TSGA10: variants seen among roughly 807,000 people sequenced by gnomAD.
The protein encoded by TSGA10 is testis specific 10.
In TSGA10, 43 loss-of-function variants were observed where a neutral mutation model predicts 96.6. The observed-to-expected ratio is 0.44, with a 90% CI of 0.35 to 0.57. The LOEUF (loss-of-function observed/expected upper bound fraction) is 0.57. Ranked by LOEUF, TSGA10 falls within the 20% of genes least tolerant of loss-of-function variation. The pLI, the probability that TSGA10 is intolerant of heterozygous loss-of-function variation, is 0.01. For synonymous variants in TSGA10, 229 were observed against 269.9 expected, an observed-to-expected ratio of 0.85 and a Z score of 1.48; for missense variants, 703 against 834.4, an observed-to-expected ratio of 0.84 and a Z score of 1.94.
chr2:99,095,321 C>T (rs2089915054), intron 10 of TSGA10, among the ~76,000 whole-genome samples: 1 of 151,872 alleles, frequency 6.6e-6, no homozygotes, highest in Non-Finnish European at 1.5e-5. Context: ...GCTATGGGTG[C>T]ACCAAGATCT....
chr2:99,141,159 C>G (rs1332513211), intron 1 of TSGA10: 4 of 1,264,604 alleles, frequency 3.2e-6, no homozygotes, highest in African/African-American at 1.6e-5. Context: ...TGTCAGCTCT[C>G]GGCCTCAGCG....
At chr2:99,086,794 T>C (rs1251729403) in intron 10 of TSGA10, among the ~76,000 whole-genome samples, 1 of 152,084 alleles carries the variant, frequency 6.6e-6, no homozygotes, top group Non-Finnish European at 1.5e-5. Flanking sequence ...AGCAAAACTC[T>C]TAATTCACAG....
At chr2:99,135,104 T>C (rs1192251543) in intron 1 of TSGA10, among the ~76,000 whole-genome samples, 1 of 152,170 alleles carries the variant, frequency 6.6e-6, no homozygotes, top group Admixed American at 6.5e-5. Context: ...GTCTGTCCCT[T>C]AGCAGAGCTT....
chr2:99,071,798 C>T lies in TSGA10; in HGVS notation c.1015G>A (p.Glu339Lys), dbSNP rs1226729221. 5 of 1,613,904 alleles carry T rather than the reference C, an allele frequency of 3.1e-6. No homozygotes were observed. The highest frequency in any genetic ancestry group is 2.2e-5 in the East Asian group (1 of 44,872). Residue 339 changes from glutamate (E) to lysine (K), a missense_variant, in exon 14 of 21, where the codon GAG becomes AAG. Coordinates refer to ENST00000393483, the MANE Select transcript of TSGA10 (RefSeq NM_025244.4). ...MRRQLDETND[E>K]LAQIARERDI... ...CTTTCCCTGGCGATCTGGGCCAGCT[C>T]ATCATTTGTCTCATCCAATTGCCGA...
chr2:99,118,733 AG>A, intron 2 of TSGA10, 47 bp from the exon 3 acceptor site: 1 of 936,396 alleles, frequency 1.1e-6, no homozygotes, highest in Non-Finnish European at 1.3e-6. Context: ...TGATTATGTC[AG>A]GAACTATATT....
intron 2 of TSGA10, chr2:99,125,220 C>G (rs990854357): frequency 6.6e-6 from 1 of 152,222 alleles, no homozygotes; most frequent in African/African-American, 2.4e-5. Flanking sequence ...TTAAAATACA[C>G]TGAATACTAT....
chr2:99,102,103 A>G (rs974890859), intron 10 of TSGA10: 33 of 1,469,006 alleles, frequency 2.2e-5, no homozygotes, highest in Non-Finnish European at 3.1e-5. Flanking sequence ...AAGTTAATAA[A>G]GCGACAAGAA....
At chr2:99,100,525 T>G (rs2104767701) in intron 10 of TSGA10, among the ~76,000 whole-genome samples, 1 of 152,160 alleles carries the variant, frequency 6.6e-6, no homozygotes, top group Admixed American at 6.5e-5. Context: ...TACACAAAAA[T>G]ACACTCCTGG....
In TSGA10 at chr2:99,102,895, T is replaced by C. The variant is rs878893309; in HGVS notation, c.611+1072A>G. On this transcript the variant is annotated intron_variant, in intron 10 of 20. Transcript: ENST00000393483. ...GTCCTTTTATATTTGTCTTTGTATT[T>C]TATAAGATACTCTGTAATGTCATGT... 5.2e-5 allele frequency: 35 copies of C among 669,530 alleles called. No homozygotes were observed. The South Asian group carries it at 6.2e-4, about 12-fold the overall frequency. The allele number at this position is 669,530 out of a possible 1,614,324, so 41.5% of individuals were successfully genotyped here. A position where few individuals can be genotyped will look rare whatever the true frequency, so the allele number is the denominator to read the frequency against.
At chr2:99,010,935 G>C (rs963515033) in intron 20 of TSGA10, among the ~76,000 whole-genome samples, 10 of 152,184 alleles carry the variant, frequency 6.6e-5, no homozygotes, top group Admixed American at 2.0e-4. Flanking sequence ...AAGGCCTCTT[G>C]CTACTGGCTA....
chr2:99,130,076 G>A (rs1384414369), intron 1 of TSGA10, among the ~76,000 whole-genome samples: 1 of 152,114 alleles, frequency 6.6e-6, no homozygotes, highest in East Asian at 1.9e-4. Flanking sequence ...TTACTATTAT[G>A]AACAGTGCTG....
chr2:99,036,567 C>T (rs1355080962), intron 16 of TSGA10, among the ~76,000 whole-genome samples: 1 of 152,002 alleles, frequency 6.6e-6, no homozygotes, highest in Admixed American at 6.6e-5. Flanking sequence ...ATAACATGCT[C>T]GATTAAAACC....
At chr2:99,085,306 A>T (rs1212317882) in intron 10 of TSGA10, among the ~76,000 whole-genome samples, 1 of 151,826 alleles carries the variant, frequency 6.6e-6, no homozygotes, top group Non-Finnish European at 1.5e-5. Flanking sequence ...GCCCAAAAAA[A>T]TTTAAAAGAA....
intron 1 of TSGA10, among the ~76,000 whole-genome samples, chr2:99,129,795 A>T (rs772514976): frequency 6.6e-6 from 1 of 151,824 alleles, no homozygotes; most frequent in Non-Finnish European, 1.5e-5. Flanking sequence ...TAGGCCCCCA[A>T]CTCCCTGACA....
intron 20 of TSGA10, among the ~76,000 whole-genome samples, chr2:99,003,020 G>A (rs1027490973): frequency 2.4e-4 from 36 of 152,060 alleles, no homozygotes; most frequent in African/African-American, 6.0e-4. Context: ...CACCATGCCC[G>A]GCTAATTTTT....
chr2:99,062,676 G>A (rs1056021160), intron 16 of TSGA10, among the ~76,000 whole-genome samples: 2 of 152,096 alleles, frequency 1.3e-5, no homozygotes, highest in Non-Finnish European at 1.5e-5. Flanking sequence ...TGGAGGCTGC[G>A]GTGAGCTATG....
At chr2:99,144,649 CAAAAAAAAAA>C (rs70940140) in intron 1 of TSGA10, among the ~76,000 whole-genome samples, 3 of 52,272 alleles carry the variant, frequency 5.7e-5, no homozygotes, top group Non-Finnish European at 1.0e-4. Context: ...AACTCTGTCT[CAAAAAAAAAA>C]AAAAAAAAAA....
At chr2:99,004,289 A>T (rs933528419) in intron 20 of TSGA10, among the ~76,000 whole-genome samples, 20 of 152,310 alleles carry the variant, frequency 1.3e-4, no homozygotes, top group African/African-American at 4.6e-4. Context: ...CAGGCTCTGA[A>T]ATTGAGGCAA....
At chr2:99,020,242 AG>A in intron 18 of TSGA10, 37 bp downstream of exon 18, 1 of 1,550,792 alleles carries the variant, frequency 6.4e-7, no homozygotes, top group African/African-American at 1.4e-5. Context: ...CAAAAAATTA[AG>A]ATGTATGACT....
Sources: allele counts gnomAD v4.1 joint callset (sites outside exome capture counted in the v4.1 genomes callset), GRCh38; gene constraint gnomAD v4.1.1; transcripts MANE v1.5; gene names NCBI Gene and HGNC (gene_info 2026-07-23, HGNC 2026-07-21).